ELOVL4: variants seen among roughly 807,000 people sequenced by gnomAD.
ELOVL4 encodes the protein ELOVL fatty acid elongase 4.
In ELOVL4, 18 loss-of-function variants were observed where a neutral mutation model predicts 42.1. The ratio of observed to expected loss-of-function variants is 0.43; its 90% CI spans 0.30 to 0.63. The LOEUF (loss-of-function observed/expected upper bound fraction) is 0.63, where lower values mean the gene tolerates loss of function less well. Among genes scored for constraint, ELOVL4 ranks in the 30% least tolerant of loss-of-function variants. The pLI is 0.15. For synonymous variants in ELOVL4, 117 were observed against 127.0 expected (o/e 0.92, Z 0.53); for missense variants, 299 against 376.2 (o/e 0.79, Z 1.70).
chr6:79,938,929 G>C (rs920235212), intron 1 of ELOVL4, among the ~76,000 whole-genome samples: 6 of 152,166 alleles, frequency 3.9e-5, no homozygotes, highest in Admixed American at 3.3e-4. Context: ...AACAACCCAT[G>C]CACATTCATT....
chr6:79,933,422 G>A (rs758758230), intron 1 of ELOVL4, among the ~76,000 whole-genome samples: 11 of 152,030 alleles, frequency 7.2e-5, no homozygotes, highest in Non-Finnish European at 1.5e-4. Flanking sequence ...GTAGAGACGA[G>A]GATTCGCCAT....
intron 1 of ELOVL4, among the ~76,000 whole-genome samples, chr6:79,931,384 G>A (rs958497754): frequency 1.1e-4 from 17 of 152,032 alleles, no homozygotes; most frequent in South Asian, 2.1e-4. Flanking sequence ...GCCACTGCAC[G>A]TAAAGCAAGA....
chr6:79,931,281 T>G (rs995931583), intron 1 of ELOVL4, among the ~76,000 whole-genome samples: 5 of 152,186 alleles, frequency 3.3e-5, no homozygotes, highest in African/African-American at 9.7e-5. Context: ...CACGTTGTCA[T>G]GTAAACCTTT....
chr6:79,933,218 GTTTT>G (rs932543724), intron 1 of ELOVL4, among the ~76,000 whole-genome samples: 3 of 148,294 alleles, frequency 2.0e-5, no homozygotes, highest in African/African-American at 7.9e-5. Context: ...ATATTTGATT[GTTTT>G]TGTTTGTTTG....
At chr6:79,931,477 T>A (rs1054090888) in intron 1 of ELOVL4, among the ~76,000 whole-genome samples, 30 of 152,166 alleles carry the variant, frequency 2.0e-4, no homozygotes, top group Non-Finnish European at 4.1e-4. Flanking sequence ...TCCCATCGAT[T>A]TTTTTCTGAA....
At chr6:79,928,750 T>G (rs1774393413) in intron 1 of ELOVL4, among the ~76,000 whole-genome samples, 1 of 145,746 alleles carries the variant, frequency 6.9e-6, no homozygotes, top group African/African-American at 2.6e-5. Flanking sequence ...TTTTTTTTTT[T>G]TTTTTAAGAA....
In ELOVL4 at chr6:79,942,235, T is replaced by G. The variant is rs1056625039; in HGVS notation, c.100+4945A>C. ...ATACTGAAGGATCAAGCGAGAAAGT[T>G]AATGTGGACCTTGGCTTTAAAAGGC... On this transcript the variant is annotated intron_variant, in intron 1 of 5. Coordinates refer to ENST00000369816, the MANE Select transcript of ELOVL4 (RefSeq NM_022726.4). 2.0e-5 allele frequency among the ~76,000 whole-genome samples: 3 copies of G among 152,304 alleles called. No homozygotes were observed. In the South Asian group the frequency reaches 6.2e-4, roughly 32 times the overall value.
intron 1 of ELOVL4, among the ~76,000 whole-genome samples, chr6:79,946,088 G>A (rs1774735469): frequency 6.6e-6 from 1 of 152,098 alleles, no homozygotes; most frequent in South Asian, 2.1e-4. Context: ...AAAACTACAG[G>A]AGTACATTTT....
intron 1 of ELOVL4, among the ~76,000 whole-genome samples, chr6:79,930,180 G>A (rs1333947991): frequency 6.6e-6 from 1 of 152,054 alleles, no homozygotes; most frequent in Admixed American, 6.6e-5. Context: ...CTTACTCCAG[G>A]GGAAAAAAGC....
chr6:79,930,973 C>T (rs895798170), intron 1 of ELOVL4, among the ~76,000 whole-genome samples: 72 of 152,196 alleles, frequency 4.7e-4, no homozygotes, highest in Middle Eastern at 3.4e-3. Context: ...AAAACTTCGA[C>T]TAAAATCCTA....
intron 2 of ELOVL4, among the ~76,000 whole-genome samples, chr6:79,925,437 G>A (rs761940145): frequency 1.4e-4 from 22 of 152,114 alleles, no homozygotes; most frequent in Non-Finnish European, 2.6e-4. Context: ...GTTGAGACTC[G>A]AGGCTAAGTT....
At chr6:79,925,629 T>C (rs1774330461) in intron 2 of ELOVL4, among the ~76,000 whole-genome samples, 1 of 152,130 alleles carries the variant, frequency 6.6e-6, no homozygotes. Flanking sequence ...TTTGAAAATG[T>C]TGTGGAGAAT....
rs974290922 is a variant in ELOVL4, at chr6:79,932,469, C to T, written c.101-6088G>A. On this transcript the variant is annotated intron_variant, in intron 1 of 5. Transcript: ENST00000369816. The stretch of plus-strand genomic sequence containing the variant: ...CTGAGGCAGGAGAATTGCTTGAATC[C>T]GGGAGGTGGAGGTTGGAGTGAACTG... Among the ~76,000 whole-genome samples, 16 of 151,456 alleles carry T rather than the reference C, an allele frequency of 1.1e-4. 1 individual carries two copies. Among genetic ancestry groups the T allele is most frequent in the South Asian group, 1.0e-3 (5 of 4,788 alleles).
chr6:79,928,306 C>T (rs1184065913), intron 1 of ELOVL4, among the ~76,000 whole-genome samples: 2 of 151,990 alleles, frequency 1.3e-5, no homozygotes, highest in Middle Eastern at 3.4e-3. Context: ...CTCCATGTAA[C>T]AAAGAAAGGA....
At chr6:79,927,926 T>C (rs1366921896) in intron 1 of ELOVL4, among the ~76,000 whole-genome samples, 1 of 152,170 alleles carries the variant, frequency 6.6e-6, no homozygotes, top group East Asian at 1.9e-4. Flanking sequence ...ACTTAAAAGA[T>C]AGCACGGCTG....
intron 5 of ELOVL4, among the ~76,000 whole-genome samples, chr6:79,917,296 T>G: frequency 6.6e-6 from 1 of 152,152 alleles, no homozygotes; most frequent in Non-Finnish European, 1.5e-5. Flanking sequence ...GAATATGTGT[T>G]GAATAATGTT....
chr6:79,932,576 G>A (rs1236134682), intron 1 of ELOVL4, among the ~76,000 whole-genome samples: 4 of 151,648 alleles, frequency 2.6e-5, no homozygotes, highest in Middle Eastern at 3.4e-3. Context: ...GAGTCCACCT[G>A]AAATGGGGTT....
At chr6:79,945,018 C>T (rs903407135) in intron 1 of ELOVL4, among the ~76,000 whole-genome samples, 5 of 139,750 alleles carry the variant, frequency 3.6e-5, no homozygotes, top group African/African-American at 1.1e-4. Context: ...AAAAGGAACA[C>T]GAGGGGCATA....
intron 1 of ELOVL4, among the ~76,000 whole-genome samples, chr6:79,945,320 C>T (rs967976603): frequency 1.3e-5 from 2 of 152,290 alleles, no homozygotes; most frequent in African/African-American, 4.8e-5. Flanking sequence ...TCAGGCTTGG[C>T]CCACAATATT....
Sources: gnomAD v4.1 joint callset for allele counts (sites outside exome capture counted in the v4.1 genomes callset) on GRCh38, gnomAD v4.1.1 for gene constraint, MANE v1.5 for transcripts, NCBI Gene and HGNC (gene_info 2026-07-23, HGNC 2026-07-21) for gene names.